Variants in KLF11 observed in about 807,000 individuals in gnomAD.
KLF11 encodes KLF transcription factor 11, also known as Krueppel-like factor 11.
Under a neutral mutation model 29.9 loss-of-function variants are expected in KLF11, and 26 were observed. That is an observed-to-expected ratio of 0.87 (90% CI 0.64 to 1.21). The LOEUF is 1.21. Ranked by LOEUF, KLF11 falls within the 50% of genes most tolerant of loss-of-function variation. The probability of loss-of-function intolerance (pLI) is 0.00; values close to 1 mark genes in which losing one functional copy is unlikely to be tolerated. For synonymous variants in KLF11, 318 were observed against 257.4 expected, an observed-to-expected ratio of 1.24 and a Z score of -2.25; for missense variants, 778 against 665.7, an observed-to-expected ratio of 1.17 and a Z score of -1.86.
intron 1 of KLF11, chr2:10,044,329 G>T: frequency 2.0e-6 from 2 of 984,900 alleles, no homozygotes; most frequent in Non-Finnish European, 2.4e-6. Context: ...CGGCACGCGA[G>T]CGTTGGGGGC....
rs1205846433 is a variant in KLF11, at chr2:10,052,542, A to C, written c.*35A>C. On this transcript the variant is annotated 3_prime_UTR_variant, in exon 4 of 4. Transcript: ENST00000305883. ...TAGGACATCACTCATGGGATTTTTA[A>C]AAAGCCTCTTTCCAGGAATGGAACT... is the stretch of plus-strand genomic sequence containing the variant. 8 of 1,608,124 alleles carry C rather than the reference A, an allele frequency of 5.0e-6. No homozygotes were observed. In the Admixed American group the frequency reaches 5.0e-5, roughly 10 times the overall value.
At position 10,046,332 on chromosome 2, in the gene KLF11, C is replaced by A; in HGVS notation, c.225C>A (p.Val75=). Residue 75 remains valine, a synonymous_variant, in exon 2 of 4, where the codon GTC becomes GTA. Coordinates refer to ENST00000305883, the MANE Select transcript of KLF11 (RefSeq NM_003597.5). Reference sequence around the variant, plus strand: ...TGCGGATAAGACCCCTCACGCCTGTCTCTGACTCTGGGGATGTCACCACCA... The same window carrying A: ...TGCGGATAAGACCCCTCACGCCTGTATCTGACTCTGGGGATGTCACCACCA... ...DLLRIRPLTP[V]SDSGDVTTTV... 1.2e-6 allele frequency: 2 copies of A among 1,614,210 alleles called. No homozygotes were observed. The highest frequency in any genetic ancestry group is 1.7e-6 in the Non-Finnish European group (2 of 1,180,042).
intron 1 of KLF11, 42 bp downstream of exon 1, chr2:10,043,800 G>C (rs1289896752): frequency 8.2e-6 from 11 of 1,343,024 alleles, no homozygotes; most frequent in Non-Finnish European, 1.1e-5. Flanking sequence ...TCGTCTGAGC[G>C]AGGGGCGAGG....
Position 10,047,670 on chromosome 2 carries a change from C to T in KLF11, c.333C>T (p.Ser111=), listed in dbSNP as rs749888867. The T allele has an allele frequency of 6.8e-6, 11 of 1,613,236 alleles. No homozygotes were observed. The East Asian group carries it at 1.3e-4, about 20-fold the overall frequency. The change falls in exon 3 of 4, where the codon AGC becomes AGT. Residue 111 remains serine (S), a synonymous_variant. Transcript: ENST00000305883. ...TTTAGTGCATAACTCCTCCTCAGAG[C>T]CCTGATCTCGTGGAGCCATCGACAA... ...LSTLCITPPQ[S]PDLVEPSTRT...
chr2:10,047,410 A>G (rs1334367073), intron 2 of KLF11, among the ~76,000 whole-genome samples: 5 of 152,224 alleles, frequency 3.3e-5, no homozygotes, highest in Non-Finnish European at 1.5e-5. Flanking sequence ...CCTGGCGGCC[A>G]GGAGCTCCTC....
chr2:10,049,867 CAG>C (rs1661350078), intron 3 of KLF11, among the ~76,000 whole-genome samples: 1 of 152,126 alleles, frequency 6.6e-6, no homozygotes, highest in African/African-American at 2.4e-5. Context: ...GGGGCTGTGT[CAG>C]GGAACGGGTG....
chr2:10,043,798 G>A, intron 1 of KLF11, 40 bp downstream of exon 1: 1 of 1,343,822 alleles, frequency 7.4e-7, no homozygotes, highest in Non-Finnish European at 9.7e-7. Flanking sequence ...ACTCGTCTGA[G>A]CGAGGGGCGA....
intron 1 of KLF11, among the ~76,000 whole-genome samples, chr2:10,045,746 C>T (rs1438760427): frequency 1.3e-5 from 2 of 152,244 alleles, no homozygotes; most frequent in Non-Finnish European, 2.9e-5. Flanking sequence ...ATGGTCAGGG[C>T]GCCGCGGCCA....
At chr2:10,044,858 G>T (rs1251110514) in intron 1 of KLF11, among the ~76,000 whole-genome samples, 1 of 152,078 alleles carries the variant, frequency 6.6e-6, no homozygotes, top group Non-Finnish European at 1.5e-5. Context: ...TTAAAGAGAC[G>T]GTGAGGGTCT....
chr2:10,053,062 C>T lies in KLF11; in HGVS notation c.*555C>T, dbSNP rs1216501263. 1.0e-5 allele frequency: 4 copies of T among 394,012 alleles called. No homozygotes were observed. The highest frequency in any genetic ancestry group is 7.2e-5 in the East Asian group (2 of 27,772). 24.4% of individuals were successfully genotyped at this position (394,012 alleles called of 1,614,324 possible). A position where few individuals can be genotyped will look rare whatever the true frequency, so the allele number is the denominator to read the frequency against. On this transcript the variant is annotated 3_prime_UTR_variant, in exon 4 of 4. Coordinates refer to ENST00000305883, the MANE Select transcript of KLF11 (RefSeq NM_003597.5). ...CTGGCCTTTTAGATCTTTTTGGAAT[C>T]GGACCTGGTTGAGTAAGGACCTCTT...
In KLF11 at chr2:10,045,012, G is replaced by A. The variant is rs573224731; in HGVS notation, c.43-1138G>A. On this transcript the variant is annotated intron_variant, in intron 1 of 3. Transcript: ENST00000305883. Reference sequence around the variant, plus strand: ...AATACAAAAATCAGCTGAGCATGGTGGTGGGCGCCTGTAATCCCAGCTACT... The same window carrying A: ...AATACAAAAATCAGCTGAGCATGGTAGTGGGCGCCTGTAATCCCAGCTACT... Among the ~76,000 whole-genome samples the A allele has an allele frequency of 7.9e-4, 121 of 152,372 alleles. 1 individual carries two copies. The highest frequency in any genetic ancestry group is 3.4e-3 in the Middle Eastern group (1 of 294).
rs1661283604 is a variant in KLF11 at position 10,048,238 on chromosome 2, G to A, written c.901G>A (p.Ala301Thr). Residue 301 changes from alanine to threonine, a missense_variant, in exon 3 of 4, where the codon GCT becomes ACT. By Grantham distance (58) the Ala-to-Thr change is moderately conservative. Transcript: ENST00000305883. The stretch of plus-strand genomic sequence containing the variant: ...GACTGGACAAAGTAGCATGTTACCA[G>A]CTTTTTTGAAGCCCCCTCCCCAGTT... ...PVTGQSSMLP[A>T]FLKPPPQLSV... The A allele has an allele frequency of 1.2e-6, 2 of 1,613,290 alleles. No individual in the cohort carries two copies. Among genetic ancestry groups the A allele is most frequent in the African/African-American group, 1.3e-5 (1 of 75,020 alleles).
chr2:10,044,354 C>T (rs985199325), intron 1 of KLF11: 3 of 985,728 alleles, frequency 3.0e-6, no homozygotes, highest in South Asian at 4.7e-5. Flanking sequence ...AGCGTCGCGA[C>T]CTGGGGGCTT....
Position 10,052,619 on chromosome 2 carries a change from A to AG in KLF11, c.*116dup. On this transcript the variant is annotated 3_prime_UTR_variant, in exon 4 of 4. Transcript: ENST00000305883. ...CCAAAAAAAACGGTCTTGGCGGCCT[A>AG]GGGGAAGATCGGGGAGCTGGTTTTG... 1 of 1,144,136 alleles carries AG rather than the reference A, an allele frequency of 8.7e-7. No homozygotes were observed. Among genetic ancestry groups the AG allele is most frequent in the Non-Finnish European group, 1.3e-6 (1 of 784,710 alleles). 70.9% of individuals were successfully genotyped at this position (1,144,136 alleles called of 1,614,324 possible).
chr2:10,047,406 G>A (rs55848997), intron 2 of KLF11, among the ~76,000 whole-genome samples: 1 of 152,154 alleles, frequency 6.6e-6, no homozygotes, highest in Non-Finnish European at 1.5e-5. Flanking sequence ...TGGGCCTGGC[G>A]GCCAGGAGCT....
intron 3 of KLF11, among the ~76,000 whole-genome samples, chr2:10,050,219 C>T (rs1054959678): frequency 5.9e-5 from 9 of 152,170 alleles, no homozygotes; most frequent in Admixed American, 1.3e-4. Context: ...CCAGCCTGGC[C>T]AACATGGTGA....
At chr2:10,044,289 G>A (rs982785734) in intron 1 of KLF11, 6 of 984,298 alleles carry the variant, frequency 6.1e-6, no homozygotes, top group African/African-American at 3.5e-5. Context: ...CACTGCCTTG[G>A]AGGCGGGGCA....
At position 10,043,770 on chromosome 2, in the gene KLF11, G is replaced by A; in HGVS notation, c.42+12G>A. 2.2e-6 allele frequency: 3 copies of A among 1,373,000 alleles called. No homozygotes were observed. Among genetic ancestry groups the A allele is most frequent in the South Asian group, 1.3e-5 (1 of 78,484 alleles). The allele number at this position is 1,373,000 out of a possible 1,614,324, so 85.1% of individuals were successfully genotyped here. A position where few individuals can be genotyped will look rare whatever the true frequency, so the allele number is the denominator to read the frequency against. Reference sequence around the variant, plus strand: ...ACGACGCGCGCGCAGTGAGTGGTGGGGCTGCCGCGGCGGGACTACTCGTCT... The same window carrying A: ...ACGACGCGCGCGCAGTGAGTGGTGGAGCTGCCGCGGCGGGACTACTCGTCT... On this transcript the variant is annotated intron_variant, in intron 1 of 3. Coordinates refer to ENST00000305883, the MANE Select transcript of KLF11 (RefSeq NM_003597.5).
chr2:10,052,024 T>G (rs1661420630), intron 3 of KLF11, among the ~76,000 whole-genome samples: 2 of 152,168 alleles, frequency 1.3e-5, no homozygotes, highest in South Asian at 4.1e-4. Context: ...AATCTTTGGG[T>G]GCTAACATAG....
Sources: allele counts gnomAD v4.1 joint callset (sites outside exome capture counted in the v4.1 genomes callset), GRCh38; gene constraint gnomAD v4.1.1; transcripts MANE v1.5; gene names NCBI Gene and HGNC (gene_info 2026-07-23, HGNC 2026-07-21).